The following PLCL1 variants were observed in gnomAD, a reference collection of about 807,000 sequenced individuals.
The protein encoded by PLCL1 is phospholipase C like 1 (inactive).
PLCL1 carries 41 observed loss-of-function variants against 84.4 expected under a neutral mutation model. The ratio of observed to expected loss-of-function variants is 0.49; its 90% CI spans 0.38 to 0.63. The LOEUF is 0.63. Among genes scored for constraint, PLCL1 ranks in the 30% least tolerant of loss-of-function variants. The pLI, the probability that PLCL1 is intolerant of heterozygous loss-of-function variation, is 0.00. For missense variants in PLCL1, 1,206 were observed against 1,367.8 expected (o/e 0.88, Z 1.87); for synonymous variants, 490 against 488.3 (o/e 1.00, Z -0.05).
chr2:197,902,612 A>G (rs2105737834), intron 1 of PLCL1, among the ~76,000 whole-genome samples: 1 of 152,332 alleles, frequency 6.6e-6, no homozygotes, highest in East Asian at 1.9e-4. Context: ...CCCAGATATA[A>G]AAGTGAACAT....
intron 1 of PLCL1, among the ~76,000 whole-genome samples, chr2:197,961,178 G>GT (rs1215072433): frequency 2.0e-5 from 3 of 150,952 alleles, no homozygotes; most frequent in Non-Finnish European, 4.4e-5. Flanking sequence ...TGTGTGCAAA[G>GT]TTTTTTCCTT....
chr2:198,146,040 A>G (rs1461950377), intron 5 of PLCL1, among the ~76,000 whole-genome samples: 3 of 152,190 alleles, frequency 2.0e-5, no homozygotes, highest in African/African-American at 7.2e-5. Context: ...CTTTATCTTC[A>G]TAACAGTGAA....
At chr2:198,004,005 AT>A (rs1690668084) in intron 1 of PLCL1, among the ~76,000 whole-genome samples, 1 of 152,228 alleles carries the variant, frequency 6.6e-6, no homozygotes. Context: ...AGGACCAGAA[AT>A]TCTTATTTGA....
At chr2:197,933,824 A>G (rs1000846204) in intron 1 of PLCL1, among the ~76,000 whole-genome samples, 12 of 152,030 alleles carry the variant, frequency 7.9e-5, no homozygotes, top group African/African-American at 2.7e-4. Context: ...ATAATTGTCT[A>G]TATATATATA....
intron 1 of PLCL1, among the ~76,000 whole-genome samples, chr2:197,991,723 G>A (rs987314173): frequency 2.0e-5 from 3 of 152,074 alleles, no homozygotes; most frequent in Admixed American, 6.6e-5. Flanking sequence ...TGCTGCAGAC[G>A]AGCCCTCATT....
intron 5 of PLCL1, among the ~76,000 whole-genome samples, chr2:198,104,693 C>A (rs527439832): frequency 6.6e-6 from 1 of 152,138 alleles, no homozygotes; most frequent in South Asian, 2.1e-4. Context: ...CACAACCTTG[C>A]CAGCATGTGT....
At chr2:197,820,261 G>A (rs1284257501) in intron 1 of PLCL1, among the ~76,000 whole-genome samples, 2 of 152,062 alleles carry the variant, frequency 1.3e-5, no homozygotes, top group South Asian at 2.1e-4. Flanking sequence ...GCAACCCCAA[G>A]TATTAGTTTC....
At chr2:197,947,586 G>T (rs1689306637) in intron 1 of PLCL1, among the ~76,000 whole-genome samples, 1 of 152,188 alleles carries the variant, frequency 6.6e-6, no homozygotes. Context: ...CTGGGAATGT[G>T]CAAAGTAGAG....
Position 198,084,076 on chromosome 2 carries a change from G to A in PLCL1, c.559G>A (p.Asp187Asn). ...TGGCCTTGCTGACCAGATCTGTGAG[G>A]ACTGTGCCTTTTCCATACTCCACGG... ...NNGLADQICE[D>N]CAFSILHGEN... The change falls in exon 2 of 6, where the codon GAC (aspartate) becomes AAC (asparagine). Residue 187 changes from aspartate (D) to asparagine (N), a missense_variant. Transcript: ENST00000428675. 6.2e-7 allele frequency: 1 copy of A among 1,614,138 alleles called. No homozygotes were observed. Among genetic ancestry groups the A allele is most frequent in the Non-Finnish European group, 8.5e-7 (1 of 1,179,990 alleles).
At chr2:198,120,313 T>C (rs1216314096) in intron 5 of PLCL1, among the ~76,000 whole-genome samples, 11 of 152,088 alleles carry the variant, frequency 7.2e-5, no homozygotes, top group Non-Finnish European at 1.0e-4. Flanking sequence ...CTATCCTTTG[T>C]GTTTTAAATA....
chr2:197,946,729 C>T (rs1277035375), intron 1 of PLCL1, among the ~76,000 whole-genome samples: 2 of 152,140 alleles, frequency 1.3e-5, no homozygotes, highest in Non-Finnish European at 2.9e-5. Context: ...GGAAAAATGC[C>T]TTGGCAGATT....
intron 1 of PLCL1, among the ~76,000 whole-genome samples, chr2:198,053,650 A>G (rs187697836): frequency 9.1e-4 from 138 of 152,264 alleles, no homozygotes; most frequent in Admixed American, 2.4e-3. Flanking sequence ...ACCCTTATTG[A>G]TCCAGTCCAT....
Position 198,105,601 on chromosome 2 carries a change from GGTGTGTGTGT to G in PLCL1, c.3105+1694_3105+1703del, listed in dbSNP as rs72103336. On this transcript the variant is annotated intron_variant, in intron 5 of 5. Coordinates refer to ENST00000428675, the MANE Select transcript of PLCL1 (RefSeq NM_006226.4). The stretch of plus-strand genomic sequence containing the variant: ...GCCCATGTGTGAGATTAATTTGCCT[GGTGTGTGTGT>G]GTGTGTGTGTGTGTGTGTGTGTGTG... Among the ~76,000 whole-genome samples, 680 of 143,830 alleles carry G rather than the reference GGTGTGTGTGT, an allele frequency of 4.7e-3. 2 individuals are homozygous for G. Among genetic ancestry groups the G allele is most frequent in the South Asian group, 7.4e-3 (32 of 4,348 alleles). The allele number at this position is 143,830 out of a possible 152,430, so 94.4% of individuals were successfully genotyped here. A position where few individuals can be genotyped will look rare whatever the true frequency, so the allele number is the denominator to read the frequency against.
At chr2:197,842,063 T>C (rs1400885324) in intron 1 of PLCL1, among the ~76,000 whole-genome samples, 1 of 152,194 alleles carries the variant, frequency 6.6e-6, no homozygotes, top group East Asian at 1.9e-4. Flanking sequence ...TCCAGATTTG[T>C]TTGGCCTCAT....
At chr2:197,889,589 G>C (rs1687978734) in intron 1 of PLCL1, among the ~76,000 whole-genome samples, 1 of 152,128 alleles carries the variant, frequency 6.6e-6, no homozygotes, top group African/African-American at 2.4e-5. Context: ...ATATGTTCAA[G>C]TTTTTAGGCT....
chr2:198,082,401 G>A (rs1275966977), intron 1 of PLCL1, among the ~76,000 whole-genome samples: 2 of 151,682 alleles, frequency 1.3e-5, no homozygotes, highest in African/African-American at 4.8e-5. Context: ...CTGAAATCAC[G>A]CCACTGCACT....
intron 5 of PLCL1, among the ~76,000 whole-genome samples, chr2:198,122,214 C>T (rs1171076192): frequency 1.3e-5 from 2 of 151,928 alleles, no homozygotes; most frequent in African/African-American, 4.8e-5. Context: ...TATCCCAGTG[C>T]AAGAAGACAT....
chr2:197,954,508 G>A (rs917703518), intron 1 of PLCL1, among the ~76,000 whole-genome samples: 1 of 152,044 alleles, frequency 6.6e-6, no homozygotes, highest in Non-Finnish European at 1.5e-5. Flanking sequence ...TTCAGCATCT[G>A]TGGTTTCTTT....
In PLCL1 at chr2:198,083,866, G is replaced by A; in HGVS notation, c.349G>A (p.Ala117Thr). Residue 117 changes from alanine to threonine, a missense_variant, in exon 2 of 6, where the codon GCT becomes ACT. By Grantham distance (58) the Ala-to-Thr change is moderately conservative. Coordinates refer to ENST00000428675, the MANE Select transcript of PLCL1 (RefSeq NM_006226.4). Reference sequence around the variant, plus strand: ...AAATGACTGCATCAGCTTCATGCAAGCTGGCTGTGAGTTGAAGAAAGTCCG... The same window carrying A: ...AAATGACTGCATCAGCTTCATGCAAACTGGCTGTGAGTTGAAGAAAGTCCG... ...SANDCISFMQAGCELKKVRPN... is the reference protein window; with the variant it reads ...SANDCISFMQTGCELKKVRPN... 6.2e-7 allele frequency: 1 copy of A among 1,614,126 alleles called. No individual in the cohort carries two copies. Among genetic ancestry groups the A allele is most frequent in the Non-Finnish European group, 8.5e-7 (1 of 1,179,974 alleles).
Sources: allele counts gnomAD v4.1 joint callset (sites outside exome capture counted in the v4.1 genomes callset), GRCh38; gene constraint gnomAD v4.1.1; transcripts MANE v1.5; gene names NCBI Gene and HGNC (gene_info 2026-07-23, HGNC 2026-07-21).